Variants in THYN1 observed in about 807,000 individuals in gnomAD.
THYN1 encodes thymocyte protein thy28.
Under a neutral mutation model 30.6 loss-of-function variants are expected in THYN1, and 32 were observed. The ratio of observed to expected loss-of-function variants is 1.05; its 90% confidence interval spans 0.79 to 1.40. The LOEUF is 1.40. THYN1 is among the 40% of genes most tolerant of loss of function. The pLI is 0.00. For missense variants in THYN1, 259 were observed against 272.6 expected, an observed-to-expected ratio of 0.95 and a Z score of 0.35; for synonymous variants, 107 against 90.8, an observed-to-expected ratio of 1.18 and a Z score of -1.01.
At position 134,249,869 on chromosome 11, in the gene THYN1, G is replaced by C; in HGVS notation, c.343C>G (p.His115Asp). 1.2e-6 allele frequency: 2 copies of C among 1,614,110 alleles called. No homozygotes were observed. The highest frequency in any genetic ancestry group is 2.2e-5 in the South Asian group (2 of 91,082). ...ATGCCTGGCTCTTTGCAGTTGCTAT[G>C]GTAGAAGAAGGCTTCTTCTCCCAGC... Reference protein sequence around the residue: ...MKLGEEAFFYHSNCKEPGIAG... With the variant: ...MKLGEEAFFYDSNCKEPGIAG... The change falls in exon 4 of 7, where the codon CAT (histidine) becomes GAT (aspartate). Residue 115 changes from histidine (H) to aspartate (D), a missense_variant. Coordinates refer to ENST00000341541, the MANE Select transcript of THYN1 (RefSeq NM_014174.3).
In THYN1 at chr11:134,251,278, G is replaced by GT; in HGVS notation, c.73dup (p.Thr25AsnfsTer2). 2 of 1,613,242 alleles carry GT rather than the reference G, an allele frequency of 1.2e-6. No individual in the cohort carries two copies. The highest frequency in any genetic ancestry group is 1.7e-6 in the Non-Finnish European group (2 of 1,179,750). On this transcript the variant is annotated frameshift_variant, in exon 2 of 7. Transcript: ENST00000341541. LOFTEE classifies it high-confidence loss of function. The stretch of plus-strand genomic sequence containing the variant: ...AGCTAATGCCTCACCTGAGTTCTCA[G>GT]TTTTGGTGCGTTTTCCTGATAGTCC...
Position 134,250,259 on chromosome 11 carries a change from C to T in THYN1, c.291+16G>A. ...TCCCACCTGGGTCTCAGGCGACCTC[C>T]TCCTTACCCTCTTACCTGGTAGTTA... On this transcript the variant is annotated intron_variant, in intron 3 of 6. Transcript: ENST00000341541. The T allele has an allele frequency of 6.2e-7, 1 of 1,614,104 alleles. No homozygotes were observed. Among genetic ancestry groups the T allele is most frequent in the Non-Finnish European group, 8.5e-7 (1 of 1,179,966 alleles).
At position 134,251,161 on chromosome 11, in the gene THYN1, T is replaced by A; in HGVS notation, c.191A>T (p.Glu64Val). Residue 64 changes from glutamate (E) to valine (V), a missense_variant, in exon 2 of 7, where the codon GAG becomes GTG. Glu to Val is a moderately radical substitution (Grantham distance 121). Coordinates refer to ENST00000341541, the MANE Select transcript of THYN1 (RefSeq NM_014174.3). Reference sequence around the variant, plus strand: ...ATCTACACCTTTCTCTAGGCGGCTCTCTGGCTCTGACTTCATCAGCCAGTG... The same window carrying A: ...ATCTACACCTTTCTCTAGGCGGCTCACTGGCTCTGACTTCATCAGCCAGTG... The part of the protein sequence containing the change: ...SSHWLMKSEP[E>V]SRLEKGVDVK... The A allele has an allele frequency of 6.2e-7, 1 of 1,614,056 alleles. No individual in the cohort carries two copies. Among genetic ancestry groups the A allele is most frequent in the Non-Finnish European group, 8.5e-7 (1 of 1,180,004 alleles).
At chr11:134,249,342 A>T in intron 4 of THYN1, 80 bp from the exon 5 acceptor site, 1 of 1,400,288 alleles carries the variant, frequency 7.1e-7, no homozygotes, top group Non-Finnish European at 1.0e-6. Context: ...TCCAACTTTC[A>T]TTTCTTCCCT....
Position 134,253,038 on chromosome 11 carries a change from G to A in THYN1, c.-156C>T, listed in dbSNP as rs1939197240. ...ACTTTTGCGAAACACAGACGCCTAC[G>A]TTTGAGCCCTCAAATCCTTCCCTCC... On this transcript the variant is annotated 5_prime_UTR_variant, in exon 1 of 7. It adds an upstream start codon to the 5' untranslated region. Transcript: ENST00000341541. 2 of 1,410,682 alleles carry A rather than the reference G, an allele frequency of 1.4e-6. No individual in the cohort carries two copies. Among genetic ancestry groups the A allele is most frequent in the South Asian group, 1.6e-5 (1 of 63,522 alleles). The allele number at this position is 1,410,682 out of a possible 1,614,324, so 87.4% of individuals were successfully genotyped here. A position where few individuals can be genotyped will look rare whatever the true frequency, so the allele number is the denominator to read the frequency against.
chr11:134,250,690 G>C (rs1278373539), intron 2 of THYN1, among the ~76,000 whole-genome samples: 1 of 152,176 alleles, frequency 6.6e-6, no homozygotes, highest in African/African-American at 2.4e-5. Flanking sequence ...ACTGTTGGCA[G>C]GGAGACACCT....
chr11:134,248,659 T>A (rs1450976825), intron 6 of THYN1, 150 bp downstream of exon 6: 1 of 1,337,894 alleles, frequency 7.5e-7, no homozygotes, highest in Non-Finnish European at 1.0e-6. Flanking sequence ...AACAGGTAAC[T>A]CTGGCCACAT....
chr11:134,249,329 A>G (rs1938937932), intron 4 of THYN1, 67 bp from the exon 5 acceptor site: 2 of 1,489,190 alleles, frequency 1.3e-6, no homozygotes, highest in Non-Finnish European at 1.9e-6. Context: ...CTTTTAATCC[A>G]TATCCAACTT....
Position 134,248,876 on chromosome 11 carries a change from A to G in THYN1, c.564T>C (p.Thr188=), listed in dbSNP as rs1003935384. Residue 188 remains threonine (T), a synonymous_variant, in exon 6 of 7, where the codon ACT becomes ACC. Transcript: ENST00000341541. ...GAACCATATTTTTTAAGGGGCCACC[A>G]GTAGCTTTGTGAGCTTGATGATAGG... is the stretch of plus-strand genomic sequence containing the variant. The part of the protein sequence containing the change: ...LKSYHQAHKA[T]GGPLKNMVLF... The G allele has an allele frequency of 1.1e-5, 18 of 1,614,234 alleles. No individual in the cohort carries two copies. Among genetic ancestry groups the G allele is most frequent in the Non-Finnish European group, 1.5e-5 (18 of 1,180,038 alleles).
intron 1 of THYN1, chr11:134,251,593 CCTCA>C (rs1939058385): frequency 6.2e-6 from 2 of 320,444 alleles, no homozygotes; most frequent in East Asian, 1.1e-4. Flanking sequence ...GTTTTCCTTT[CCTCA>C]CTCTCTCTTC....
At chr11:134,248,574 T>C (rs926370507) in intron 6 of THYN1, 90 bp from the exon 7 acceptor site, 10 of 1,516,324 alleles carry the variant, frequency 6.6e-6, no homozygotes, top group South Asian at 1.1e-5. Context: ...ACATCTTACA[T>C]GGTACTAAGG....
intron 3 of THYN1, 34 bp from the exon 4 acceptor site, chr11:134,249,954 C>A: frequency 6.3e-7 from 1 of 1,596,122 alleles, no homozygotes; most frequent in Non-Finnish European, 8.6e-7. Context: ...ACTATCCTCC[C>A]ACCAGCTGGA....
At chr11:134,248,781 G>C (rs753416467) in intron 6 of THYN1, 28 bp downstream of exon 6, 1 of 1,612,780 alleles carries the variant, frequency 6.2e-7, no homozygotes, top group Non-Finnish European at 8.5e-7. Flanking sequence ...CTGGTATATG[G>C]ACAATAAAGG....
At chr11:134,249,805 A>G (rs777479577) in intron 4 of THYN1, 23 bp downstream of exon 4, 1 of 1,611,262 alleles carries the variant, frequency 6.2e-7, no homozygotes, top group South Asian at 1.1e-5. Flanking sequence ...AAAGGGATTC[A>G]CACCAAAACC....
At chr11:134,252,641 G>A (rs1450892992) in intron 1 of THYN1, among the ~76,000 whole-genome samples, 199 bp downstream of exon 1, 1 of 152,186 alleles carries the variant, frequency 6.6e-6, no homozygotes, top group Admixed American at 6.5e-5. Flanking sequence ...AACAACCATT[G>A]CCTGAATAAA....
In THYN1 at chr11:134,250,328, G is replaced by A. The variant is rs369230609; in HGVS notation, c.238C>T (p.Leu80Phe). The change falls in exon 3 of 7, where the codon CTC becomes TTC. Residue 80 changes from leucine to phenylalanine, a missense_variant. Coordinates refer to ENST00000341541, the MANE Select transcript of THYN1 (RefSeq NM_014174.3). Reference sequence around the variant, plus strand: ...GTTGTCTGTTTGGGCTGTGCTTTGAGATCCTCAATGCTGAACTAGGCAAGA... The same window carrying A: ...GTTGTCTGTTTGGGCTGTGCTTTGAAATCCTCAATGCTGAACTAGGCAAGA... ...GVDVKFSIED[L>F]KAQPKQTTCW... 1 of 1,614,010 alleles carries A rather than the reference G, an allele frequency of 6.2e-7. No homozygotes were observed. Among genetic ancestry groups the A allele is most frequent in the Non-Finnish European group, 8.5e-7 (1 of 1,180,028 alleles).
At chr11:134,248,627 C>T in intron 6 of THYN1, 143 bp from the exon 7 acceptor site, 4 of 1,325,380 alleles carry the variant, frequency 3.0e-6, no homozygotes, top group Non-Finnish European at 3.2e-6. Context: ...GTGCCAAGCA[C>T]TATAGAGTAC....
chr11:134,248,431 A>G lies in THYN1; in HGVS notation c.*7T>C, dbSNP rs371682845. ...ATGTCTCGCCCATTCCAGCAGCAGTATCTCAGTTAACTTGGTTCCTTTTCC... is the reference window on the plus strand; with the variant it reads ...ATGTCTCGCCCATTCCAGCAGCAGTGTCTCAGTTAACTTGGTTCCTTTTCC... On this transcript the variant is annotated 3_prime_UTR_variant, in exon 7 of 7. Coordinates refer to ENST00000341541, the MANE Select transcript of THYN1 (RefSeq NM_014174.3). 1.9e-6 allele frequency: 3 copies of G among 1,614,006 alleles called. No homozygotes were observed. The highest frequency in any genetic ancestry group is 1.3e-5 in the African/African-American group (1 of 74,904).
Position 134,250,275 on chromosome 11 carries a change from CT to C in THYN1, c.290del (p.Gln97ArgfsTer9). 2.5e-6 allele frequency: 4 copies of C among 1,614,162 alleles called. No individual in the cohort carries two copies. The highest frequency in any genetic ancestry group is 2.5e-6 in the Non-Finnish European group (3 of 1,180,006). On this transcript the variant is annotated frameshift_variant and splice_region_variant, in exon 3 of 7. Coordinates refer to ENST00000341541, the MANE Select transcript of THYN1 (RefSeq NM_014174.3). LOFTEE classifies it high-confidence loss of function. ...GGCGACCTCCTCCTTACCCTCTTAC[CT>C]GGTAGTTACGAACACCATCCCAGCA... ...TTCWDGVRNY[Q>X]ARNFLRAMKL...
Sources: gnomAD v4.1 joint callset for allele counts (sites outside exome capture counted in the v4.1 genomes callset) on GRCh38, gnomAD v4.1.1 for gene constraint, MANE v1.5 for transcripts, NCBI Gene and HGNC (gene_info 2026-07-23, HGNC 2026-07-21) for gene names.